Variants in BRIP1 observed in about 807,000 individuals in gnomAD.
BRIP1 encodes Fanconi anemia group J protein.
BRIP1 carries 88 observed loss-of-function variants against 119.7 expected under a neutral mutation model. The ratio of observed to expected loss-of-function variants is 0.74; its 90% CI spans 0.62 to 0.88. The LOEUF (loss-of-function observed/expected upper bound fraction) is 0.88. BRIP1 is among the 40% of genes least tolerant of loss of function. The pLI, the probability that BRIP1 is intolerant of heterozygous loss-of-function variation, is 0.00. For synonymous variants in BRIP1, 443 were observed against 496.5 expected, an observed-to-expected ratio of 0.89 and a Z score of 1.43; for missense variants, 1,259 against 1,455.4, an observed-to-expected ratio of 0.87 and a Z score of 2.20.
At position 61,704,845 on chromosome 17, in the gene BRIP1, CTG is replaced by C. The variant is rs1253957354; in HGVS notation, c.2492+11104_2492+11105del. Reference sequence around the variant, plus strand: ...CCTCTTTTATTCCTGATATTAGTAACTGTGGCTTCTCTTTTTTTTCTTTGTTA... The same window carrying C: ...CCTCTTTTATTCCTGATATTAGTAACTGGCTTCTCTTTTTTTTCTTTGTTA... On this transcript the variant is annotated intron_variant, in intron 17 of 19. Coordinates refer to ENST00000259008, the MANE Select transcript of BRIP1 (RefSeq NM_032043.3). The surrounding 1 kb of genome is among the most constrained non-coding windows in gnomAD (Gnocchi z 5.7). Among the ~76,000 whole-genome samples, 1 of 152,026 alleles carries C rather than the reference CTG, an allele frequency of 6.6e-6. No homozygotes were observed. The highest frequency in any genetic ancestry group is 1.5e-5 in the Non-Finnish European group (1 of 67,998).
At chr17:61,785,024 CAA>C (rs367947784) in intron 10 of BRIP1, among the ~76,000 whole-genome samples, 4 of 152,254 alleles carry the variant, frequency 2.6e-5, no homozygotes, top group African/African-American at 9.6e-5. Context: ...TCCTCAGAGT[CAA>C]AGACTCTTTA....
At chr17:61,818,954 G>A (rs892555626) in intron 6 of BRIP1, among the ~76,000 whole-genome samples, 1 of 152,026 alleles carries the variant, frequency 6.6e-6, no homozygotes, top group Non-Finnish European at 1.5e-5. Context: ...GGGAGGCCGA[G>A]GGGGGCAGAT....
intron 4 of BRIP1, among the ~76,000 whole-genome samples, chr17:61,855,235 T>G (rs940605574): frequency 2.0e-5 from 3 of 152,156 alleles, no homozygotes; most frequent in Non-Finnish European, 4.4e-5. Flanking sequence ...TTCACTGTCT[T>G]GATTCTGGTG....
intron 6 of BRIP1, among the ~76,000 whole-genome samples, chr17:61,812,256 T>C (rs2078173947): frequency 6.6e-6 from 1 of 152,216 alleles, no homozygotes; most frequent in South Asian, 2.1e-4. Context: ...TTTGTATCTC[T>C]TATTGAGTAT....
At chr17:61,829,419 A>T (rs528649611) in intron 6 of BRIP1, among the ~76,000 whole-genome samples, 1 of 152,154 alleles carries the variant, frequency 6.6e-6, no homozygotes, top group Admixed American at 6.5e-5. Flanking sequence ...AAACCCATGA[A>T]GCAAAAACTG....
In BRIP1 at chr17:61,739,131, C is replaced by A; in HGVS notation, c.2379+3882G>T. On this transcript the variant is annotated intron_variant, in intron 16 of 19. Coordinates refer to ENST00000259008, the MANE Select transcript of BRIP1 (RefSeq NM_032043.3). This position sits in a 1 kb window ranked among gnomAD's most constrained non-coding sequence, Gnocchi z 6.0. ...GTGGTCTAAAGAAGGGAAAAGGATT[C>A]TTTCCACTTTAACAAAGCAGCCTTA... The A allele has an allele frequency of 1.1e-5, 2 of 178,312 alleles. No individual in the cohort carries two copies. The highest frequency in any genetic ancestry group is 2.4e-5 in the Non-Finnish European group (2 of 82,990). The allele number at this position is 178,312 out of a possible 1,614,324, so 11.0% of individuals were successfully genotyped here. A position where few individuals can be genotyped will look rare whatever the true frequency, so the allele number is the denominator to read the frequency against.
intron 16 of BRIP1, among the ~76,000 whole-genome samples, chr17:61,731,899 C>A: frequency 7.4e-6 from 1 of 136,050 alleles, no homozygotes. Context: ...ATACTTGGTG[C>A]TCTAGCCAGA....
chr17:61,772,847 A>G (rs62068815), intron 14 of BRIP1, among the ~76,000 whole-genome samples: 5 of 146,982 alleles, frequency 3.4e-5, no homozygotes, highest in Non-Finnish European at 7.6e-5. Context: ...AAAAAAACCT[A>G]AATTTTGTTA....
At chr17:61,721,459 C>G (rs531141035) in intron 16 of BRIP1, among the ~76,000 whole-genome samples, 2 of 150,426 alleles carry the variant, frequency 1.3e-5, no homozygotes, top group East Asian at 4.0e-4. Flanking sequence ...TTAGTAGAGA[C>G]AAGGTTTCAC....
rs1308686796 is a variant in BRIP1, at chr17:61,859,779, A to C, written c.205+17T>G. On this transcript the variant is annotated intron_variant, in intron 3 of 19. Transcript: ENST00000259008. ...AGATCCCAGTAAGTAACCTGAAGAT[A>C]TCAAGCAACTACTTACCACTAAGAG... The C allele has an allele frequency of 1.3e-6, 2 of 1,528,326 alleles. No homozygotes were observed. The highest frequency in any genetic ancestry group is 3.3e-5 in the Admixed American group (2 of 59,920). The allele number at this position is 1,528,326 out of a possible 1,614,324, so 94.7% of individuals were successfully genotyped here.
At chr17:61,763,245 T>G (rs368788852) in intron 14 of BRIP1, among the ~76,000 whole-genome samples, 1 of 152,128 alleles carries the variant, frequency 6.6e-6, no homozygotes, top group Admixed American at 6.6e-5. Context: ...GAAATACCCA[T>G]TTATTATCTC....
Position 61,770,116 on chromosome 17 carries a change from T to A in BRIP1, c.2097+6285A>T, listed in dbSNP as rs1465604904. On this transcript the variant is annotated intron_variant, in intron 14 of 19. Transcript: ENST00000259008. This position sits in a 1 kb window ranked among gnomAD's most constrained non-coding sequence, Gnocchi z 4.7. Reference sequence around the variant, plus strand: ...TCCTTATCCAACATGAGGGAAGGGATCATTTCCTAAACTGCAGCTCCCTGC... The same window carrying A: ...TCCTTATCCAACATGAGGGAAGGGAACATTTCCTAAACTGCAGCTCCCTGC... Among the ~76,000 whole-genome samples the A allele has an allele frequency of 6.6e-6, 1 of 152,194 alleles. No individual in the cohort carries two copies. The highest frequency in any genetic ancestry group is 1.5e-5 in the Non-Finnish European group (1 of 68,042).
intron 6 of BRIP1, among the ~76,000 whole-genome samples, chr17:61,833,342 G>C (rs2078520550): frequency 1.3e-5 from 2 of 152,074 alleles, no homozygotes; most frequent in Non-Finnish European, 2.9e-5. Context: ...TTCCACCATA[G>C]AGAATACTAT....
intron 17 of BRIP1, 72 bp downstream of exon 17, chr17:61,715,878 TA>T: frequency 1.0e-6 from 1 of 995,350 alleles, no homozygotes; most frequent in Non-Finnish European, 1.5e-6. Flanking sequence ...TTATAAAGAG[TA>T]AAGTAGCAAG....
chr17:61,799,433 A>T lies in BRIP1; in HGVS notation c.1141-134T>A. ...CAATTACATAAGCAACAGAGATTCT[A>T]GGTCTTAAATAAAACTTCTGAAGCA... is the stretch of plus-strand genomic sequence containing the variant. On this transcript the variant is annotated intron_variant, in intron 8 of 19. Transcript: ENST00000259008. The surrounding 1 kb of genome is among the most constrained non-coding windows in gnomAD (Gnocchi z 5.1). 1.5e-6 allele frequency: 1 copy of T among 682,180 alleles called. No homozygotes were observed. Among genetic ancestry groups the T allele is most frequent in the South Asian group, 1.9e-5 (1 of 52,764 alleles). The allele number at this position is 682,180 out of a possible 1,614,324, so 42.3% of individuals were successfully genotyped here.
chr17:61,863,046 A>G (rs1018957386), intron 1 of BRIP1, among the ~76,000 whole-genome samples: 1 of 152,084 alleles, frequency 6.6e-6, no homozygotes, highest in Admixed American at 6.5e-5. Context: ...AACATTGCAT[A>G]AAGGATAAAC....
At chr17:61,854,995 G>A (rs1009150230) in intron 4 of BRIP1, among the ~76,000 whole-genome samples, 1 of 152,176 alleles carries the variant, frequency 6.6e-6, no homozygotes, top group East Asian at 1.9e-4. Context: ...ATTGTCATAA[G>A]TGAAAGAAGC....
intron 9 of BRIP1, among the ~76,000 whole-genome samples, chr17:61,797,358 G>A (rs2077916626): frequency 6.6e-6 from 1 of 151,926 alleles, no homozygotes; most frequent in African/African-American, 2.4e-5. Flanking sequence ...CAGAAGCTAA[G>A]ACAAAAATGC....
rs561670710 is a variant in BRIP1, at chr17:61,782,116, T to C, written c.1629-1111A>G. 2.0e-3 allele frequency among the ~76,000 whole-genome samples: 303 copies of C among 152,008 alleles called. 1 individual carries two copies. The highest frequency in any genetic ancestry group is 6.9e-3 in the African/African-American group (285 of 41,488). On this transcript the variant is annotated intron_variant, in intron 11 of 19. Transcript: ENST00000259008. ...AAAACAAAGGGGAGACCGGGTGCGA[T>C]GGCTCACGCCTGTAATCCCAGCACT...
Sources: gnomAD v4.1 joint callset for allele counts (sites outside exome capture counted in the v4.1 genomes callset) on GRCh38, gnomAD v4.1.1 for gene constraint, Gnocchi (gnomAD v3.1) non-coding constraint, MANE v1.5 for transcripts, NCBI Gene and HGNC (gene_info 2026-07-23, HGNC 2026-07-21) for gene names.